Variants in RBFOX1 observed in about 807,000 individuals in gnomAD.
RBFOX1 encodes the protein RNA binding protein fox-1 homolog 1.
RBFOX1 carries 8 observed loss-of-function variants against 57.7 expected under a neutral mutation model. That is an observed-to-expected ratio of 0.14 (90% confidence interval 0.08 to 0.25). The LOEUF is 0.25. Among genes scored for constraint, RBFOX1 ranks in the 10% least tolerant of loss-of-function variants. RBFOX1 has a pLI of 1.00. For missense variants in RBFOX1, 611 were observed against 548.5 expected (o/e 1.11, Z -1.14); for synonymous variants, 326 against 222.4 (o/e 1.47, Z -4.15).
At chr16:6,966,851 C>G (rs1055654634) in intron 3 of RBFOX1, among the ~76,000 whole-genome samples, 1 of 151,914 alleles carries the variant, frequency 6.6e-6, no homozygotes, top group Non-Finnish European at 1.5e-5. Context: ...ATCCATCCAT[C>G]TATCCACACA....
At chr16:7,153,520 A>G (rs1342874230) in intron 4 of RBFOX1, among the ~76,000 whole-genome samples, 3 of 151,802 alleles carry the variant, frequency 2.0e-5, no homozygotes, top group African/African-American at 7.3e-5. Context: ...GTGAATCACA[A>G]GGTCAAGAGA....
intron 2 of RBFOX1, among the ~76,000 whole-genome samples, chr16:6,602,600 G>T (rs745520059): frequency 6.6e-6 from 1 of 152,266 alleles, no homozygotes; most frequent in Non-Finnish European, 1.5e-5. Context: ...GGGGACTCCT[G>T]GGAAAGCCTT....
At chr16:5,374,922 A>G (rs1285819634) in intron 1 of RBFOX1, among the ~76,000 whole-genome samples, 5 of 151,846 alleles carry the variant, frequency 3.3e-5, no homozygotes, top group Admixed American at 2.0e-4. Context: ...CACAAGGCTT[A>G]ATGTGTTTAC....
At chr16:6,898,734 A>C (rs566537232) in intron 3 of RBFOX1, among the ~76,000 whole-genome samples, 2 of 152,122 alleles carry the variant, frequency 1.3e-5, no homozygotes, top group East Asian at 3.9e-4. Context: ...TGTATGATAC[A>C]TGTGTATGTG....
intron 1 of RBFOX1, among the ~76,000 whole-genome samples, chr16:6,295,200 T>C (rs2077966646): frequency 6.7e-6 from 1 of 150,246 alleles, no homozygotes; most frequent in African/African-American, 2.5e-5. Context: ...CTCAGCTTAC[T>C]GCAAACTCTG....
intron 2 of RBFOX1, among the ~76,000 whole-genome samples, chr16:6,434,888 C>A (rs2153012886): frequency 1.3e-5 from 2 of 152,228 alleles, no homozygotes; most frequent in Admixed American, 1.3e-4. Flanking sequence ...CTAGGCACCC[C>A]AGGAGGTTAA....
intron 2 of RBFOX1, among the ~76,000 whole-genome samples, chr16:6,531,745 G>T (rs7206841): frequency 6.6e-6 from 1 of 151,970 alleles, no homozygotes; most frequent in Non-Finnish European, 1.5e-5. Flanking sequence ...AACATCAAAA[G>T]GGATTACATG....
At chr16:6,348,964 G>T (rs538125356) in intron 2 of RBFOX1, among the ~76,000 whole-genome samples, 10 of 152,218 alleles carry the variant, frequency 6.6e-5, no homozygotes, top group African/African-American at 2.4e-4. Context: ...GCTCATTTTT[G>T]GAAGTCAAGC....
At position 7,637,705 on chromosome 16, in the gene RBFOX1, C is replaced by G. The variant is rs2062002316; in HGVS notation, c.757+7022C>G. 2.0e-5 allele frequency among the ~76,000 whole-genome samples: 3 copies of G among 152,168 alleles called. No homozygotes were observed. The South Asian group carries it at 6.2e-4, about 32-fold the overall frequency. On this transcript the variant is annotated intron_variant, in intron 11 of 15. Coordinates refer to ENST00000550418, the MANE Select transcript of RBFOX1 (RefSeq NM_018723.4). Reference sequence around the variant, plus strand: ...AGAATTGTGTCTTCTTTTTCCCTCACTTGCCAGTGTCTGACAGCTTCTTGC... The same window carrying G: ...AGAATTGTGTCTTCTTTTTCCCTCAGTTGCCAGTGTCTGACAGCTTCTTGC...
intron 2 of RBFOX1, among the ~76,000 whole-genome samples, chr16:6,616,465 A>C (rs1437995746): frequency 2.0e-5 from 3 of 151,854 alleles, no homozygotes; most frequent in Admixed American, 6.6e-5. Flanking sequence ...TCACGAGGTC[A>C]GGAGATCGAG....
chr16:7,098,689 C>A (rs976329632), intron 4 of RBFOX1, among the ~76,000 whole-genome samples: 1 of 151,972 alleles, frequency 6.6e-6, no homozygotes, highest in Admixed American at 6.6e-5. Flanking sequence ...GTGGCTCATG[C>A]CTGTAATCCT....
At chr16:5,592,608 G>T (rs1469574165) in intron 2 of RBFOX1, among the ~76,000 whole-genome samples, 5 of 152,086 alleles carry the variant, frequency 3.3e-5, no homozygotes, top group Non-Finnish European at 7.3e-5. Flanking sequence ...TAGAGATGGG[G>T]TTTCACCATG....
At chr16:5,929,683 C>G (rs922959743) in intron 4 of RBFOX1, among the ~76,000 whole-genome samples, 2 of 152,114 alleles carry the variant, frequency 1.3e-5, no homozygotes, top group African/African-American at 2.4e-5. Context: ...TCAGATTGGT[C>G]TGAGTGATCA....
chr16:6,650,548 G>C (rs1373936865), intron 2 of RBFOX1, among the ~76,000 whole-genome samples: 1 of 152,132 alleles, frequency 6.6e-6, no homozygotes, highest in Non-Finnish European at 1.5e-5. Context: ...TCGAATGTTG[G>C]TAATTTAGAG....
chr16:6,230,979 G>C (rs1048729834), intron 1 of RBFOX1, among the ~76,000 whole-genome samples: 2 of 152,182 alleles, frequency 1.3e-5, no homozygotes, highest in African/African-American at 4.8e-5. Context: ...AGTCTGGGAG[G>C]AGAAATAGTG....
chr16:6,854,745 C>A (rs2057501037), intron 3 of RBFOX1, among the ~76,000 whole-genome samples: 1 of 151,756 alleles, frequency 6.6e-6, no homozygotes. Flanking sequence ...CAGGCGCCTG[C>A]CATTGCGCCC....
intron 3 of RBFOX1, among the ~76,000 whole-genome samples, chr16:5,626,056 T>G (rs762569164): frequency 6.6e-6 from 1 of 152,154 alleles, no homozygotes; most frequent in Non-Finnish European, 1.5e-5. Context: ...TTGTATTTTC[T>G]TTTTAGTACA....
At chr16:7,387,208 A>C (rs2097899066) in intron 4 of RBFOX1, among the ~76,000 whole-genome samples, 1 of 152,190 alleles carries the variant, frequency 6.6e-6, no homozygotes, top group Admixed American at 6.5e-5. Flanking sequence ...TGCTTGCCAC[A>C]CACCAACCAT....
At chr16:6,077,934 T>G (rs916582946) in intron 1 of RBFOX1, among the ~76,000 whole-genome samples, 3 of 152,056 alleles carry the variant, frequency 2.0e-5, no homozygotes, top group African/African-American at 7.2e-5. Flanking sequence ...CATGCCACCA[T>G]GAGCTGTTGC....
Sources: allele counts gnomAD v4.1 joint callset (sites outside exome capture counted in the v4.1 genomes callset), GRCh38; gene constraint gnomAD v4.1.1; transcripts MANE v1.5; gene names NCBI Gene and HGNC (gene_info 2026-07-23, HGNC 2026-07-21).